Variants in ANKMY1 observed in about 807,000 individuals in gnomAD.
ANKMY1 encodes ankyrin repeat and MYND domain-containing protein 1.
A neutral mutation model predicts 102.0 loss-of-function variants in ANKMY1; 98 were observed. That is an observed-to-expected ratio of 0.96 (90% CI 0.82 to 1.14). The LOEUF (loss-of-function observed/expected upper bound fraction) is 1.14. Among genes scored for constraint, ANKMY1 ranks in the 50% most tolerant of loss-of-function variants. The probability of loss-of-function intolerance (pLI) is 0.00; values close to 1 mark genes in which losing one functional copy is unlikely to be tolerated. For missense variants in ANKMY1, 1,330 were observed against 1,347.6 expected (o/e 0.99, Z 0.20); for synonymous variants, 582 against 559.9 (o/e 1.04, Z -0.56).
chr2:240,539,141 CT>C (rs1251148964), intron 4 of ANKMY1, among the ~76,000 whole-genome samples: 1 of 152,146 alleles, frequency 6.6e-6, no homozygotes, highest in Non-Finnish European at 1.5e-5. Context: ...ACTGTGAAAG[CT>C]TTGTTCTTTC....
At chr2:240,505,117 G>A (rs866868477) in intron 13 of ANKMY1, among the ~76,000 whole-genome samples, 2 of 152,092 alleles carry the variant, frequency 1.3e-5, no homozygotes, top group Admixed American at 6.6e-5. Flanking sequence ...CTGTTGGTGA[G>A]AACATGAAAC....
chr2:240,478,411 G>T (rs2075001384), downstream of ANKMY1, among the ~76,000 whole-genome samples: 1 of 152,100 alleles, frequency 6.6e-6, no homozygotes, highest in African/African-American at 2.4e-5. Flanking sequence ...TTCCTTTCTA[G>T]CAGAGGTAGT....
chr2:240,513,087 C>G (rs1161537007), intron 9 of ANKMY1, 145 bp from the exon 10 acceptor site: 12 of 1,196,146 alleles, frequency 1.0e-5, no homozygotes, highest in Non-Finnish European at 1.3e-5. Flanking sequence ...AACGTGCAGG[C>G]TACTGGTCCC....
chr2:240,519,439 T>C (rs1186225933), intron 9 of ANKMY1, among the ~76,000 whole-genome samples: 2 of 152,196 alleles, frequency 1.3e-5, no homozygotes, highest in African/African-American at 4.8e-5. Context: ...CTGTCATACT[T>C]CCATCTCGCC....
At chr2:240,530,928 A>G (rs2085214402) in intron 4 of ANKMY1, among the ~76,000 whole-genome samples, 2 of 146,382 alleles carry the variant, frequency 1.4e-5, no homozygotes, top group South Asian at 4.4e-4. Flanking sequence ...ATACATAAAT[A>G]GAATAATAAA....
chr2:240,511,873 C>T lies in ANKMY1; in HGVS notation c.2274G>A (p.Glu758=), dbSNP rs1164133742. The T allele has an allele frequency of 1.3e-6, 2 of 1,589,652 alleles. No homozygotes were observed. The highest frequency in any genetic ancestry group is 1.7e-6 in the Non-Finnish European group (2 of 1,175,004). ...RTALHMACER[E]DDNKCARDIV... ...TGGCTGCCCTCACCTTGTTGTCATC[C>T]TCCCGCTCGCAGGCCATGTGCAGAG... Residue 758 remains glutamate (E), a synonymous_variant, in exon 11 of 18, where the codon GAG becomes GAA. Coordinates refer to ENST00000401804, the MANE Select transcript of ANKMY1 (RefSeq NM_001282771.3).
At chr2:240,502,265 T>C (rs1430737358) in intron 13 of ANKMY1, among the ~76,000 whole-genome samples, 1 of 150,982 alleles carries the variant, frequency 6.6e-6, no homozygotes, top group East Asian at 2.0e-4. Flanking sequence ...AGGGCAGTGA[T>C]GCAGCCACCT....
intron 8 of ANKMY1, among the ~76,000 whole-genome samples, chr2:240,521,385 G>A (rs1201886209): frequency 6.7e-6 from 1 of 148,228 alleles, no homozygotes; most frequent in Non-Finnish European, 1.5e-5. Flanking sequence ...CCGCTACCAT[G>A]TAAAGCTCAA....
At chr2:240,500,165 C>T in intron 14 of ANKMY1, 42 bp from the exon 15 acceptor site, 3 of 1,527,552 alleles carry the variant, frequency 2.0e-6, no homozygotes, top group Middle Eastern at 2.0e-4. Context: ...CCCGGGCCCG[C>T]CCCTCACTGC....
At chr2:240,500,339 C>T (rs1003689658) in intron 14 of ANKMY1, 113 bp downstream of exon 14, 25 of 1,245,690 alleles carry the variant, frequency 2.0e-5, no homozygotes, top group African/African-American at 1.1e-4. Context: ...GCTCTGGGGG[C>T]GGCGCTAGGA....
rs746760708 is a variant in ANKMY1, at chr2:240,529,435, C to G, written c.555G>C (p.Leu185=). The stretch of plus-strand genomic sequence containing the variant: ...GCTTGATGAGCTGCTCTCGGAACCA[C>G]AGCCCCACGTCCTGGCTGCCATCGG... The part of the protein sequence containing the change: ...TYPDGSQDVG[L]WFREQLIKLC... Residue 185 remains leucine, a synonymous_variant, in exon 5 of 18, where the codon CTG becomes CTC. Transcript: ENST00000401804. The surrounding 1 kb of genome is among the most constrained non-coding windows in gnomAD (Gnocchi z 4.2). The G allele has an allele frequency of 6.2e-7, 1 of 1,614,158 alleles. No homozygotes were observed.
intron 4 of ANKMY1, among the ~76,000 whole-genome samples, chr2:240,541,502 C>CTTT (rs556472606): frequency 2.1e-4 from 26 of 125,530 alleles, no homozygotes; most frequent in Non-Finnish European, 3.1e-4. Context: ...TATGTTGTTG[C>CTTT]TTTTTTTTTT....
rs781345431 is a variant in ANKMY1, at chr2:240,512,789, G to T, written c.2145+13C>A. On this transcript the variant is annotated intron_variant, in intron 10 of 17. Transcript: ENST00000401804. Reference sequence around the variant, plus strand: ...AAGGCCCCATACCCCTATCCAGGTCGCGAGGTACACACCTTGCCGGGCTTG... The same window carrying T: ...AAGGCCCCATACCCCTATCCAGGTCTCGAGGTACACACCTTGCCGGGCTTG... The T allele has an allele frequency of 1.9e-6, 3 of 1,610,902 alleles. No individual in the cohort carries two copies. The highest frequency in any genetic ancestry group is 2.5e-6 in the Non-Finnish European group (3 of 1,178,280).
At chr2:240,501,692 C>A (rs1187950406) in intron 13 of ANKMY1, among the ~76,000 whole-genome samples, 1 of 152,236 alleles carries the variant, frequency 6.6e-6, no homozygotes. Flanking sequence ...GAGCACAACG[C>A]CTCGGGCATG....
chr2:240,513,907 T>C (rs551907590), intron 9 of ANKMY1, among the ~76,000 whole-genome samples: 5 of 152,334 alleles, frequency 3.3e-5, no homozygotes, highest in Admixed American at 6.5e-5. Context: ...TCGCCTGATG[T>C]TGGGGAGGCC....
At chr2:240,536,281 CTTTT>C (rs539958443) in intron 4 of ANKMY1, among the ~76,000 whole-genome samples, 3 of 151,398 alleles carry the variant, frequency 2.0e-5, no homozygotes, top group Non-Finnish European at 4.4e-5. Context: ...AAAGAAAATT[CTTTT>C]TTTTTCTTTT....
Position 240,544,914 on chromosome 2 carries a change from C to T in ANKMY1, c.480+8000G>A, listed in dbSNP as rs560818010. On this transcript the variant is annotated intron_variant, in intron 4 of 17. Transcript: ENST00000401804. Reference sequence around the variant, plus strand: ...AGCAGTCTGAGATCAAACTGCAAGGCGGCAGCGAGGCTGGGGGAGGGGCGC... The same window carrying T: ...AGCAGTCTGAGATCAAACTGCAAGGTGGCAGCGAGGCTGGGGGAGGGGCGC... 2.2e-4 allele frequency among the ~76,000 whole-genome samples: 34 copies of T among 152,264 alleles called. No individual in the cohort carries two copies. In the East Asian group the frequency reaches 6.0e-3, roughly 27 times the overall value.
rs771745495 is a variant in ANKMY1 at position 240,482,281 on chromosome 2, G to A, written c.2807-20C>T. On this transcript the variant is annotated intron_variant, in intron 15 of 17. Coordinates refer to ENST00000401804, the MANE Select transcript of ANKMY1 (RefSeq NM_001282771.3). ...GCTCCGCTGCATGAGAGAGGGTCCC[G>A]CATTAGTACCCACGTGGCAGGGTGG... 36 of 1,601,140 alleles carry A rather than the reference G, an allele frequency of 2.2e-5. No individual in the cohort carries two copies. Among genetic ancestry groups the A allele is most frequent in the Admixed American group, 8.7e-5 (5 of 57,296 alleles).
At chr2:240,487,199 T>A (rs965228791) in intron 15 of ANKMY1, among the ~76,000 whole-genome samples, 7 of 152,222 alleles carry the variant, frequency 4.6e-5, no homozygotes. Flanking sequence ...TTCAAAATGT[T>A]TAGCTCCCAC....
Sources: allele counts gnomAD v4.1 joint callset (sites outside exome capture counted in the v4.1 genomes callset), GRCh38; gene constraint gnomAD v4.1.1; non-coding constraint Gnocchi (gnomAD v3.1); transcripts MANE v1.5; gene names NCBI Gene and HGNC (gene_info 2026-07-23, HGNC 2026-07-21).